The following RSBN1L variants were observed in gnomAD, a reference collection of about 807,000 sequenced individuals.
RSBN1L encodes the protein lysine-specific demethylase RSBN1L.
RSBN1L carries 30 observed loss-of-function variants against 67.7 expected under a neutral mutation model. The observed-to-expected ratio is 0.44, with a 90% CI of 0.33 to 0.60. The LOEUF is 0.60. Ranked by LOEUF, RSBN1L falls within the 20% of genes least tolerant of loss-of-function variation. The pLI, the probability that RSBN1L is intolerant of heterozygous loss-of-function variation, is 0.02. For synonymous variants in RSBN1L, 433 were observed against 387.0 expected, an observed-to-expected ratio of 1.12 and a Z score of -1.39; for missense variants, 992 against 1,031.7, an observed-to-expected ratio of 0.96 and a Z score of 0.53.
chr7:77,782,661 AATT>A lies in RSBN1L; in HGVS notation c.*3496_*3498del, dbSNP rs1792014412. On this transcript the variant is annotated 3_prime_UTR_variant, in exon 8 of 8. Coordinates refer to ENST00000334955, the MANE Select transcript of RSBN1L (RefSeq NM_198467.3). ...TTGTGTGTGTATGTTTGTGGGAAATAATTATGTTTGTTTCCGCATATATTCATT... is the reference window on the plus strand; with the variant it reads ...TTGTGTGTGTATGTTTGTGGGAAATAATGTTTGTTTCCGCATATATTCATT... 6.6e-6 allele frequency: 1 copy of A among 152,072 alleles called. No homozygotes were observed. Among genetic ancestry groups the A allele is most frequent in the Non-Finnish European group, 1.5e-5 (1 of 67,996 alleles). The allele number at this position is 152,072 out of a possible 1,614,324, so 9.4% of individuals were successfully genotyped here. A position where few individuals can be genotyped will look rare whatever the true frequency, so the allele number is the denominator to read the frequency against.
At position 77,705,534 on chromosome 7, in the gene RSBN1L, T is replaced by A. The variant is rs568440462; in HGVS notation, c.586+8479T>A. On this transcript the variant is annotated intron_variant, in intron 1 of 7. Coordinates refer to ENST00000334955, the MANE Select transcript of RSBN1L (RefSeq NM_198467.3). ...GGTTTTTTTTTTTTTTTTTTTGTGATGGAGTCTTGCTCTGTTGCCCAGGCT... is the reference window on the plus strand; with the variant it reads ...GGTTTTTTTTTTTTTTTTTTTGTGAAGGAGTCTTGCTCTGTTGCCCAGGCT... Among the ~76,000 whole-genome samples the A allele has an allele frequency of 1.7e-3, 229 of 133,108 alleles. 1 individual carries two copies. In the Middle Eastern group the frequency reaches 0.023, roughly 13 times the overall value. 87.3% of individuals were successfully genotyped at this position (133,108 alleles called of 152,430 possible). A position where few individuals can be genotyped will look rare whatever the true frequency, so the allele number is the denominator to read the frequency against.
intron 3 of RSBN1L, among the ~76,000 whole-genome samples, chr7:77,760,710 G>T (rs749037120): frequency 8.5e-5 from 13 of 152,150 alleles, no homozygotes; most frequent in Non-Finnish European, 1.8e-4. Context: ...CTCGCTGGCT[G>T]CAACCTCCGC....
At chr7:77,725,978 A>G (rs2150417814) in intron 1 of RSBN1L, among the ~76,000 whole-genome samples, 1 of 152,054 alleles carries the variant, frequency 6.6e-6, no homozygotes, top group East Asian at 1.9e-4. Context: ...TGTGTCTTGT[A>G]GCGCTTCTGT....
intron 6 of RSBN1L, among the ~76,000 whole-genome samples, chr7:77,773,755 T>TC (rs1791876945): frequency 6.6e-6 from 1 of 152,172 alleles, no homozygotes; most frequent in Non-Finnish European, 1.5e-5. Flanking sequence ...AGAGCAAGAC[T>TC]CCATCTCGAA....
chr7:77,753,743 C>G (rs959615377), intron 3 of RSBN1L, among the ~76,000 whole-genome samples: 2 of 152,054 alleles, frequency 1.3e-5, no homozygotes, highest in Admixed American at 6.5e-5. Context: ...ATTGTTTTAC[C>G]TTTCATGGTT....
chr7:77,771,877 T>G (rs1791854454), intron 5 of RSBN1L, among the ~76,000 whole-genome samples: 1 of 152,028 alleles, frequency 6.6e-6, no homozygotes, highest in African/African-American at 2.4e-5. Context: ...AATCTGAAAG[T>G]CTCTTCTCAG....
intron 2 of RSBN1L, among the ~76,000 whole-genome samples, chr7:77,742,034 GT>G (rs1340898708): frequency 1.3e-5 from 2 of 151,754 alleles, no homozygotes; most frequent in African/African-American, 2.4e-5. Flanking sequence ...GCTATGATTT[GT>G]TATAGTGAAG....
intron 1 of RSBN1L, among the ~76,000 whole-genome samples, chr7:77,717,414 T>C (rs1791062454): frequency 6.6e-6 from 1 of 152,188 alleles, no homozygotes; most frequent in Non-Finnish European, 1.5e-5. Context: ...TAATTGGTAA[T>C]TGGATATATA....
At position 77,724,398 on chromosome 7, in the gene RSBN1L, A is replaced by G. The variant is rs541272137; in HGVS notation, c.587-12012A>G. Among the ~76,000 whole-genome samples, 3 of 151,926 alleles carry G rather than the reference A, an allele frequency of 2.0e-5. No homozygotes were observed. The South Asian group carries it at 6.2e-4, about 32-fold the overall frequency. On this transcript the variant is annotated intron_variant, in intron 1 of 7. Transcript: ENST00000334955. Reference sequence around the variant, plus strand: ...CTACCAACTTGATTGTACAAATAATACATAATATATGAATCCCTTTCTTTT... The same window carrying G: ...CTACCAACTTGATTGTACAAATAATGCATAATATATGAATCCCTTTCTTTT...
chr7:77,762,864 T>C (rs1791713256), intron 3 of RSBN1L, among the ~76,000 whole-genome samples: 2 of 152,314 alleles, frequency 1.3e-5, no homozygotes, highest in South Asian at 4.1e-4. Flanking sequence ...TTTTTAAAAC[T>C]ACTAGATAAA....
chr7:77,765,546 A>G lies in RSBN1L; in HGVS notation c.1396A>G (p.Ile466Val), dbSNP rs1438197566. The change falls in exon 4 of 8, where the codon ATA (isoleucine) becomes GTA (valine). Residue 466 changes from isoleucine to valine, a missense_variant. Physicochemically the swap from Ile to Val is conservative, Grantham distance 29. Around this residue, in one of 7 missense-constraint regions of RSBN1L, gnomAD observed 2 missense variants for 28.0 expected, o/e 0.07. Coordinates refer to ENST00000334955, the MANE Select transcript of RSBN1L (RefSeq NM_198467.3). ...GTYRAGPMRQ[I>V]SLVGAVDEEV... ...TTACAGAGCTGGCCCAATGAGACAA[A>G]TAAGCTTGGTGGGAGCAGTTGATGA... 12 of 1,611,548 alleles carry G rather than the reference A, an allele frequency of 7.4e-6. No individual in the cohort carries two copies. Among genetic ancestry groups the G allele is most frequent in the Non-Finnish European group, 5.1e-6 (6 of 1,178,534 alleles).
chr7:77,752,663 A>G (rs528343040), intron 3 of RSBN1L, among the ~76,000 whole-genome samples: 28 of 152,298 alleles, frequency 1.8e-4, no homozygotes, highest in Admixed American at 1.4e-3. Context: ...TTGAAGTGTA[A>G]TGTATGACAT....
intron 2 of RSBN1L, among the ~76,000 whole-genome samples, chr7:77,748,931 C>T (rs184936378): frequency 6.6e-6 from 1 of 152,294 alleles, no homozygotes; most frequent in African/African-American, 2.4e-5. Flanking sequence ...CTTTCTCTCT[C>T]TCTCTCTGTC....
At chr7:77,754,651 C>T (rs1791593941) in intron 3 of RSBN1L, among the ~76,000 whole-genome samples, 1 of 152,070 alleles carries the variant, frequency 6.6e-6, no homozygotes, top group Admixed American at 6.5e-5. Context: ...TCCCCCTTTC[C>T]CTTATCTGTG....
At chr7:77,707,992 A>G (rs562945929) in intron 1 of RSBN1L, among the ~76,000 whole-genome samples, 3 of 152,366 alleles carry the variant, frequency 2.0e-5, no homozygotes, top group East Asian at 3.9e-4. Flanking sequence ...AAATTTAAAT[A>G]TAAAATAAGT....
chr7:77,697,137 G>A, intron 1 of RSBN1L, 82 bp downstream of exon 1: 4 of 1,288,696 alleles, frequency 3.1e-6, no homozygotes, highest in East Asian at 3.1e-5. Flanking sequence ...CGGGAAGGGG[G>A]AGCGCGGCGG....
rs747751264 is a variant in RSBN1L at position 77,778,323 on chromosome 7, C to T, written c.1794-15C>T. The T allele has an allele frequency of 1.2e-5, 19 of 1,552,538 alleles. No homozygotes were observed. Among genetic ancestry groups the T allele is most frequent in the South Asian group, 3.6e-5 (3 of 84,354 alleles). ...CATTTATGGCAGATTCTTGTTATCT[C>T]GTTTTCTTTTTTAGGCCTGATCAAC... On this transcript the variant is annotated splice_polypyrimidine_tract_variant and intron_variant, in intron 6 of 7. Coordinates refer to ENST00000334955, the MANE Select transcript of RSBN1L (RefSeq NM_198467.3).
intron 1 of RSBN1L, among the ~76,000 whole-genome samples, chr7:77,726,184 A>G (rs192782670): frequency 1.1e-3 from 166 of 152,370 alleles, no homozygotes; most frequent in African/African-American, 3.9e-3. Context: ...CACGTTTATC[A>G]TAGTTAAGAA....
chr7:77,750,093 CTTTTAATTATATA>C (rs1562804674), intron 3 of RSBN1L, 29 bp downstream of exon 3: 1 of 1,329,700 alleles, frequency 7.5e-7, no homozygotes, highest in African/African-American at 1.5e-5. Flanking sequence ...TATAAAATAA[CTTTTAATTATATA>C]TTTTTAGATG....
Sources: gnomAD v4.1 joint callset for allele counts (sites outside exome capture counted in the v4.1 genomes callset) on GRCh38, gnomAD v4.1.1 for gene constraint, gnomAD v4.1.1 regional missense constraint, MANE v1.5 for transcripts, NCBI Gene and HGNC (gene_info 2026-07-23, HGNC 2026-07-21) for gene names.